The following PRDM5 variants were observed in gnomAD, a reference collection of about 807,000 sequenced individuals.
The protein encoded by PRDM5 is PR/SET domain 5.
Under a neutral mutation model 81.2 loss-of-function variants are expected in PRDM5, and 56 were observed. The ratio of observed to expected loss-of-function variants is 0.69; its 90% confidence interval spans 0.56 to 0.86. The LOEUF is 0.86. PRDM5 is among the 40% of genes least tolerant of loss of function. The pLI, the probability that PRDM5 is intolerant of heterozygous loss-of-function variation, is 0.00. For missense variants in PRDM5, 697 were observed against 770.1 expected (o/e 0.91, Z 1.12); for synonymous variants, 267 against 256.4 (o/e 1.04, Z -0.39).
intron 2 of PRDM5, among the ~76,000 whole-genome samples, chr4:120,861,342 T>C (rs1346575196): frequency 6.6e-6 from 1 of 152,182 alleles, no homozygotes; most frequent in African/African-American, 2.4e-5. Context: ...CCCTACAGCA[T>C]ATTAAAAGAG....
At chr4:120,701,862 T>C (rs1735423384) in intron 15 of PRDM5, among the ~76,000 whole-genome samples, 1 of 152,172 alleles carries the variant, frequency 6.6e-6, no homozygotes, top group Non-Finnish European at 1.5e-5. Flanking sequence ...TAATTTTTTC[T>C]TCCCATATTC....
At chr4:120,760,270 A>G (rs1276003057) in intron 13 of PRDM5, among the ~76,000 whole-genome samples, 3 of 152,276 alleles carry the variant, frequency 2.0e-5, no homozygotes, top group South Asian at 4.1e-4. Flanking sequence ...TTGGTTATCA[A>G]CGCTCATCAA....
rs1183734352 is a variant in PRDM5, at chr4:120,692,399, CAT to C, written c.*2710_*2711del. 6.6e-6 allele frequency: 1 copy of C among 152,018 alleles called. No homozygotes were observed. The highest frequency in any genetic ancestry group is 2.4e-5 in the African/African-American group (1 of 41,408). The allele number at this position is 152,018 out of a possible 1,614,324, so 9.4% of individuals were successfully genotyped here. Reference sequence around the variant, plus strand: ...ACACACTCATGTTTCTTGAAAATAACATGTTAACTATACTATGTAACCCCAAG... The same window carrying C: ...ACACACTCATGTTTCTTGAAAATAACGTTAACTATACTATGTAACCCCAAG... On this transcript the variant is annotated 3_prime_UTR_variant, in exon 16 of 16. Transcript: ENST00000264808.
Position 120,872,150 on chromosome 4 carries a change from CAAAAAAAAA to C in PRDM5, c.178-18619_178-18611del, listed in dbSNP as rs70948365. ...TGGGCGACAGAGCAAGACTCCATCTCAAAAAAAAAAAAAAAAAAAAAAAACCTGTACAGA... is the reference window on the plus strand; with the variant it reads ...TGGGCGACAGAGCAAGACTCCATCTCAAAAAAAAAAAAAAACCTGTACAGA... On this transcript the variant is annotated intron_variant, in intron 2 of 15. Coordinates refer to ENST00000264808, the MANE Select transcript of PRDM5 (RefSeq NM_018699.4). Among the ~76,000 whole-genome samples the C allele has an allele frequency of 5.7e-3, 237 of 41,848 alleles. 7 individuals are homozygous for C. The highest frequency in any genetic ancestry group is 0.026 in the African/African-American group (219 of 8,382). 27.5% of individuals were successfully genotyped at this position (41,848 alleles called of 152,430 possible). A position where few individuals can be genotyped will look rare whatever the true frequency, so the allele number is the denominator to read the frequency against.
rs1398674488 is a variant in PRDM5, at chr4:120,921,671, G to A, written c.93+845C>T. Among the ~76,000 whole-genome samples, 4 of 152,164 alleles carry A rather than the reference G, an allele frequency of 2.6e-5. No individual in the cohort carries two copies. In the East Asian group the frequency reaches 7.7e-4, roughly 29 times the overall value. ...AAAAGGGGGCGAGGACGGCTAGGAC[G>A]ACTCTAACAAGTTATAATATTATAA... On this transcript the variant is annotated intron_variant, in intron 1 of 15. Coordinates refer to ENST00000264808, the MANE Select transcript of PRDM5 (RefSeq NM_018699.4).
chr4:120,814,789 A>T (rs1754273911), intron 7 of PRDM5, among the ~76,000 whole-genome samples: 1 of 152,250 alleles, frequency 6.6e-6, no homozygotes, highest in African/African-American at 2.4e-5. Flanking sequence ...ACTGTGAATG[A>T]GAGAATGACA....
intron 2 of PRDM5, among the ~76,000 whole-genome samples, chr4:120,865,130 C>T (rs1761058520): frequency 6.6e-6 from 1 of 152,242 alleles, no homozygotes; most frequent in African/African-American, 2.4e-5. Context: ...AGTGCCTGAA[C>T]CAAAGGAACT....
intron 8 of PRDM5, among the ~76,000 whole-genome samples, chr4:120,809,730 G>A (rs931999573): frequency 5.3e-5 from 8 of 152,142 alleles, no homozygotes; most frequent in Non-Finnish European, 1.0e-4. Context: ...TTAGACATTA[G>A]ACATTCTCAA....
intron 3 of PRDM5, among the ~76,000 whole-genome samples, chr4:120,825,897 T>C (rs2149357964): frequency 6.6e-6 from 1 of 152,170 alleles, no homozygotes. Context: ...CTGCCTGCAA[T>C]TGAGGGGTTT....
intron 8 of PRDM5, among the ~76,000 whole-genome samples, chr4:120,800,233 G>C (rs981468712): frequency 6.6e-6 from 1 of 152,134 alleles, no homozygotes; most frequent in Non-Finnish European, 1.5e-5. Flanking sequence ...AGTTTCACAT[G>C]AGCCAGATGC....
intron 13 of PRDM5, among the ~76,000 whole-genome samples, chr4:120,764,581 T>C (rs1428420130): frequency 6.6e-6 from 1 of 150,472 alleles, no homozygotes; most frequent in East Asian, 1.9e-4. Context: ...GAGCTGAGTA[T>C]AGAAAAAAAA....
chr4:120,720,450 C>T (rs964087141), intron 14 of PRDM5, among the ~76,000 whole-genome samples: 4 of 152,114 alleles, frequency 2.6e-5, no homozygotes, highest in African/African-American at 9.7e-5. Context: ...GCAACAGAAT[C>T]GTGGGTGAAA....
At chr4:120,836,730 G>A (rs1297727228) in intron 3 of PRDM5, among the ~76,000 whole-genome samples, 2 of 152,150 alleles carry the variant, frequency 1.3e-5, no homozygotes, top group Admixed American at 1.3e-4. Flanking sequence ...AAAACTGCAT[G>A]TTAGACTGGC....
chr4:120,888,170 C>T (rs534621953), intron 2 of PRDM5, among the ~76,000 whole-genome samples: 7 of 152,250 alleles, frequency 4.6e-5, no homozygotes, highest in East Asian at 3.9e-4. Flanking sequence ...TACTGAAAGG[C>T]GCAGAAACTT....
intron 8 of PRDM5, among the ~76,000 whole-genome samples, chr4:120,806,498 G>C (rs538461692): frequency 4.6e-5 from 7 of 152,158 alleles, no homozygotes; most frequent in Non-Finnish European, 1.0e-4. Context: ...TACAAAAACA[G>C]ATCTATAGAC....
chr4:120,768,155 A>G (rs1279602578), intron 13 of PRDM5, among the ~76,000 whole-genome samples: 1 of 152,258 alleles, frequency 6.6e-6, no homozygotes, highest in Non-Finnish European at 1.5e-5. Flanking sequence ...CTAAAATGAT[A>G]TAAGACTTTT....
intron 2 of PRDM5, among the ~76,000 whole-genome samples, chr4:120,861,809 A>G (rs1445759087): frequency 2.0e-5 from 3 of 152,000 alleles, no homozygotes; most frequent in Non-Finnish European, 4.4e-5. Context: ...AAAAAAAAAG[A>G]AAAAACAAAA....
At chr4:120,812,696 C>A (rs556211463) in intron 7 of PRDM5, 19 of 318,126 alleles carry the variant, frequency 6.0e-5, no homozygotes, top group South Asian at 4.9e-4. Flanking sequence ...GGGTAGTTTG[C>A]AAATATTTTC....
At chr4:120,800,352 C>T (rs1561286432) in intron 8 of PRDM5, among the ~76,000 whole-genome samples, 1 of 151,976 alleles carries the variant, frequency 6.6e-6, no homozygotes, top group African/African-American at 2.4e-5. Context: ...CTCGTCCCTA[C>T]AAAAAATTTT....
Sources: allele counts gnomAD v4.1 joint callset (sites outside exome capture counted in the v4.1 genomes callset), GRCh38; gene constraint gnomAD v4.1.1; transcripts MANE v1.5; gene names NCBI Gene and HGNC (gene_info 2026-07-23, HGNC 2026-07-21).